The following CNTNAP3B variants were observed in gnomAD, a reference collection of about 807,000 sequenced individuals.
CNTNAP3B encodes the protein contactin-associated protein-like 3B.
A neutral mutation model predicts 108.9 loss-of-function variants in CNTNAP3B; 25 were observed. The observed-to-expected ratio is 0.23, with a 90% CI of 0.17 to 0.32. The LOEUF is 0.32. CNTNAP3B is among the 10% of genes least tolerant of loss of function. The pLI is 1.00. For synonymous variants in CNTNAP3B, 103 were observed against 473.4 expected (o/e 0.22, Z 10.16); for missense variants, 252 against 1,210.4 (o/e 0.21, Z 11.75).
At chr9:42,061,355 G>C (rs1355041520) in intron 3 of CNTNAP3B, among the ~76,000 whole-genome samples, 2 of 109,496 alleles carry the variant, frequency 1.8e-5, no homozygotes, top group African/African-American at 4.1e-5. Context: ...GTCTCGCTCT[G>C]TCACCAGGCT....
intron 14 of CNTNAP3B, among the ~76,000 whole-genome samples, chr9:41,931,902 A>T (rs1367926937): frequency 6.6e-6 from 1 of 151,270 alleles, no homozygotes; most frequent in African/African-American, 2.4e-5. Flanking sequence ...GTTTCATTCC[A>T]TTTTCAATAC....
In CNTNAP3B at chr9:41,972,903, A is replaced by C. The variant is rs1156421889; in HGVS notation, c.1478-2658T>G. On this transcript the variant is annotated intron_variant, in intron 9 of 23. Transcript: ENST00000377561. The stretch of plus-strand genomic sequence containing the variant: ...CAGTTCTGCTAATCTTTCTTTCACC[A>C]TGTGGTGTTTCCTGACACATAACTT... Among the ~76,000 whole-genome samples the C allele has an allele frequency of 1.0e-4, 13 of 127,552 alleles. 2 individuals are homozygous for C. Among genetic ancestry groups the C allele is most frequent in the African/African-American group, 4.0e-4 (13 of 32,600 alleles). 83.7% of individuals were successfully genotyped at this position (127,552 alleles called of 152,430 possible). A position where few individuals can be genotyped will look rare whatever the true frequency, so the allele number is the denominator to read the frequency against.
At chr9:42,089,154 A>AAG (rs1587263201) in intron 2 of CNTNAP3B, among the ~76,000 whole-genome samples, 6,033 of 94,002 alleles carry the variant, frequency 0.064, 306 homozygotes, top group Non-Finnish European at 0.092. Context: ...GGAAAGGGAA[A>AAG]AAGGGTGAAA....
intron 14 of CNTNAP3B, among the ~76,000 whole-genome samples, chr9:41,932,565 G>A (rs1410732456): frequency 2.6e-5 from 4 of 151,578 alleles, no homozygotes; most frequent in African/African-American, 9.7e-5. Context: ...TGTCGCCCAG[G>A]CTGGAGTGCA....
intron 16 of CNTNAP3B, among the ~76,000 whole-genome samples, chr9:41,923,562 G>A (rs1225282850): frequency 1.3e-5 from 2 of 152,288 alleles, no homozygotes; most frequent in African/African-American, 4.8e-5. Context: ...AGGAGTTGAA[G>A]ACCAGCCTGG....
intron 13 of CNTNAP3B, among the ~76,000 whole-genome samples, chr9:41,940,116 C>T (rs1334114216): frequency 3.9e-5 from 6 of 152,274 alleles, no homozygotes; most frequent in Non-Finnish European, 8.8e-5. Flanking sequence ...AGAACTGAGC[C>T]ATAGGGTCCT....
chr9:42,035,502 T>C (rs1428276452), intron 3 of CNTNAP3B, among the ~76,000 whole-genome samples: 1 of 146,630 alleles, frequency 6.8e-6, no homozygotes, highest in Non-Finnish European at 1.5e-5. Context: ...AACCACTCAC[T>C]AAAGGTGGGA....
intron 15 of CNTNAP3B, among the ~76,000 whole-genome samples, chr9:41,925,240 G>A (rs1197219578): frequency 1.3e-5 from 2 of 149,020 alleles, no homozygotes; most frequent in African/African-American, 5.0e-5. Context: ...GCTGCCAATA[G>A]TGATTTTCTA....
chr9:41,926,148 G>A, intron 15 of CNTNAP3B, among the ~76,000 whole-genome samples: 1 of 152,278 alleles, frequency 6.6e-6, no homozygotes, highest in Non-Finnish European at 1.5e-5. Flanking sequence ...CAGCACCACA[G>A]GGTTCATTAC....
chr9:42,071,469 T>C (rs1171413446), intron 3 of CNTNAP3B, among the ~76,000 whole-genome samples: 1 of 135,334 alleles, frequency 7.4e-6, no homozygotes, highest in Non-Finnish European at 1.6e-5. Context: ...AAGCAGAGAA[T>C]ACGGTCAAAG....
intron 3 of CNTNAP3B, among the ~76,000 whole-genome samples, chr9:42,070,186 A>G (rs1827341865): frequency 6.7e-6 from 1 of 150,362 alleles, no homozygotes; most frequent in African/African-American, 2.5e-5. Context: ...AAGCGACTAA[A>G]GAATGTTCTC....
intron 17 of CNTNAP3B, among the ~76,000 whole-genome samples, chr9:41,921,516 C>A (rs1314637527): frequency 6.6e-6 from 1 of 151,260 alleles, no homozygotes; most frequent in Non-Finnish European, 1.5e-5. Context: ...GTGATTTAGT[C>A]CAGTTTTAAT....
intron 18 of CNTNAP3B, among the ~76,000 whole-genome samples, chr9:41,919,204 G>A (rs1308893472): frequency 3.9e-5 from 6 of 151,900 alleles, no homozygotes; most frequent in Non-Finnish European, 7.4e-5. Context: ...GTGCGATCTC[G>A]ACTCACTGCA....
chr9:41,893,869 A>G lies in CNTNAP3B; in HGVS notation c.*120T>C, dbSNP rs1823376820. ...ACCTGCTGTGTGCACCCTGATGGCA[A>G]CAGCAGGGAAGTCCACAGTCACGAT... On this transcript the variant is annotated 3_prime_UTR_variant, in exon 24 of 24. Transcript: ENST00000377561. 1.1e-5 allele frequency: 1 copy of G among 91,112 alleles called. No individual in the cohort carries two copies. The highest frequency in any genetic ancestry group is 2.6e-4 in the Admixed American group (1 of 3,896). The allele number at this position is 91,112 out of a possible 1,614,324, so 5.6% of individuals were successfully genotyped here.
At chr9:41,941,424 A>T (rs1824338876) in intron 13 of CNTNAP3B, among the ~76,000 whole-genome samples, 1 of 151,060 alleles carries the variant, frequency 6.6e-6, no homozygotes, top group South Asian at 2.1e-4. Context: ...TAGACTTCAG[A>T]ACAAAAATAC....
At chr9:41,915,841 G>A (rs1823502941) in intron 18 of CNTNAP3B, among the ~76,000 whole-genome samples, 1 of 150,870 alleles carries the variant, frequency 6.6e-6, no homozygotes, top group Non-Finnish European at 1.5e-5. Flanking sequence ...AATCCTACTA[G>A]GTTTTGGTAT....
At chr9:41,933,917 A>G (rs1322239874) in intron 14 of CNTNAP3B, among the ~76,000 whole-genome samples, 41 of 152,218 alleles carry the variant, frequency 2.7e-4, no homozygotes, top group African/African-American at 8.9e-4. Flanking sequence ...CTTATTCAAC[A>G]ATAATGTATA....
At chr9:41,955,540 T>C (rs1377697206) in intron 12 of CNTNAP3B, among the ~76,000 whole-genome samples, 1 of 152,292 alleles carries the variant, frequency 6.6e-6, no homozygotes, top group African/African-American at 2.4e-5. Context: ...TTCTTTTTCT[T>C]TTTTATTAGA....
rs1271285460 is a variant in CNTNAP3B, at chr9:42,095,977, G to A, written c.196+8652C>T. Among the ~76,000 whole-genome samples the A allele has an allele frequency of 6.5e-5, 9 of 138,432 alleles. 2 individuals are homozygous for A. The highest frequency in any genetic ancestry group is 1.2e-4 in the Non-Finnish European group (8 of 64,688). The allele number at this position is 138,432 out of a possible 152,430, so 90.8% of individuals were successfully genotyped here. A position where few individuals can be genotyped will look rare whatever the true frequency, so the allele number is the denominator to read the frequency against. On this transcript the variant is annotated intron_variant, in intron 2 of 23. Transcript: ENST00000377561. ...AGGCTGGGACAGTGCTCTCCACAAC[G>A]TTTTGGTGACCCTTTCTCCTCCCTC...
Sources: gnomAD v4.1 joint callset for allele counts (sites outside exome capture counted in the v4.1 genomes callset) on GRCh38, gnomAD v4.1.1 for gene constraint, MANE v1.5 for transcripts, NCBI Gene and HGNC (gene_info 2026-07-23, HGNC 2026-07-21) for gene names.